The following RIMS2 variants were observed in gnomAD, a reference collection of about 807,000 sequenced individuals.
RIMS2 encodes the protein regulating synaptic membrane exocytosis 2, also known as regulating synaptic membrane exocytosis protein 2.
RIMS2 carries 59 observed loss-of-function variants against 174.4 expected under a neutral mutation model. That is an observed-to-expected ratio of 0.34 (90% CI 0.27 to 0.42). The LOEUF (loss-of-function observed/expected upper bound fraction) is 0.42. Among genes scored for constraint, RIMS2 ranks in the 10% least tolerant of loss-of-function variants. RIMS2 has a pLI of 1.00. For synonymous variants in RIMS2, 606 were observed against 572.5 expected, an observed-to-expected ratio of 1.06 and a Z score of -0.84; for missense variants, 1,620 against 1,666.3, an observed-to-expected ratio of 0.97 and a Z score of 0.48.
intron 16 of RIMS2, among the ~76,000 whole-genome samples, chr8:103,986,148 A>G (rs982334717): frequency 1.3e-5 from 2 of 152,224 alleles, no homozygotes; most frequent in South Asian, 2.1e-4. Context: ...AGCTTGATTT[A>G]GCCATGCTGC....
intron 19 of RIMS2, among the ~76,000 whole-genome samples, chr8:104,017,362 G>A (rs1029732315): frequency 1.2e-4 from 18 of 151,682 alleles, no homozygotes; most frequent in African/African-American, 4.1e-4. Flanking sequence ...CAAAATATGA[G>A]CAAGTCATAA....
chr8:104,153,562 T>C (rs758409556), intron 19 of RIMS2, among the ~76,000 whole-genome samples: 6 of 152,178 alleles, frequency 3.9e-5, no homozygotes, highest in Non-Finnish European at 7.4e-5. Context: ...CTAAGTACAG[T>C]TATTACATGA....
At chr8:104,160,481 C>T (rs545383829) in intron 19 of RIMS2, among the ~76,000 whole-genome samples, 1 of 152,228 alleles carries the variant, frequency 6.6e-6, no homozygotes, top group South Asian at 2.1e-4. Flanking sequence ...TATTTATCAT[C>T]TCATATTCTA....
intron 14 of RIMS2, among the ~76,000 whole-genome samples, chr8:103,950,671 T>C (rs570683865): frequency 1.3e-5 from 2 of 152,260 alleles, no homozygotes; most frequent in Admixed American, 1.3e-4. Context: ...ACCCTACAGC[T>C]AAATCATATT....
intron 2 of RIMS2, among the ~76,000 whole-genome samples, chr8:103,702,094 C>A (rs2097174117): frequency 6.6e-6 from 1 of 152,040 alleles, no homozygotes. Flanking sequence ...TCCTTGTTAA[C>A]ATTTGTTATT....
chr8:103,784,989 CT>C, intron 3 of RIMS2, among the ~76,000 whole-genome samples: 1 of 141,920 alleles, frequency 7.0e-6, no homozygotes, highest in Non-Finnish European at 1.5e-5. Context: ...CTTCACATCC[CT>C]TGTAAGTTGG....
intron 1 of RIMS2, among the ~76,000 whole-genome samples, chr8:103,520,826 A>C (rs80327507): frequency 6.6e-6 from 1 of 152,020 alleles, no homozygotes; most frequent in Non-Finnish European, 1.5e-5. Context: ...CCATCTTTCA[A>C]ATAGTTTCAT....
chr8:103,820,231 A>G (rs1240908400), intron 3 of RIMS2, among the ~76,000 whole-genome samples: 2 of 152,066 alleles, frequency 1.3e-5, no homozygotes, highest in Non-Finnish European at 2.9e-5. Flanking sequence ...AATTATGAAC[A>G]TATCTCTCAG....
At chr8:103,998,142 T>G in intron 17 of RIMS2, 1 of 1,411,498 alleles carries the variant, frequency 7.1e-7, no homozygotes, top group Non-Finnish European at 9.8e-7. Flanking sequence ...TTTCACTTCT[T>G]TCTTGAGTCT....
intron 19 of RIMS2, among the ~76,000 whole-genome samples, chr8:104,100,087 C>A (rs2097844712): frequency 1.3e-5 from 2 of 152,154 alleles, no homozygotes; most frequent in African/African-American, 4.8e-5. Flanking sequence ...TCCCAAAGGG[C>A]TGGGATTATG....
chr8:103,901,068 C>T (rs1292639164), intron 4 of RIMS2, among the ~76,000 whole-genome samples: 1 of 152,110 alleles, frequency 6.6e-6, no homozygotes, highest in Non-Finnish European at 1.5e-5. Flanking sequence ...TAATGGCATA[C>T]TCACTATGTA....
intron 19 of RIMS2, among the ~76,000 whole-genome samples, chr8:104,026,620 A>C (rs1056982315): frequency 2.3e-5 from 3 of 130,178 alleles, no homozygotes; most frequent in Non-Finnish European, 5.1e-5. Flanking sequence ...CTTATAAATA[A>C]GAAAGAAAGA....
chr8:104,249,790 A>G (rs1039082209), intron 22 of RIMS2, among the ~76,000 whole-genome samples: 1 of 152,228 alleles, frequency 6.6e-6, no homozygotes. Flanking sequence ...GGATAATGTA[A>G]GTTGTTAAAT....
At chr8:103,518,608 AGTT>A (rs1444745201) in intron 1 of RIMS2, among the ~76,000 whole-genome samples, 1 of 151,976 alleles carries the variant, frequency 6.6e-6, no homozygotes, top group Admixed American at 6.6e-5. Context: ...TTGCTGTATC[AGTT>A]GTTAAATATT....
chr8:103,755,402 GTGTCT>G (rs2097977276), intron 2 of RIMS2, among the ~76,000 whole-genome samples: 1 of 152,084 alleles, frequency 6.6e-6, no homozygotes, highest in South Asian at 2.1e-4. Flanking sequence ...TGACGATTAT[GTGTCT>G]TGGGGTTGCT....
chr8:103,925,748 A>G (rs576525283), intron 10 of RIMS2, among the ~76,000 whole-genome samples: 12 of 151,712 alleles, frequency 7.9e-5, no homozygotes, highest in Non-Finnish European at 7.4e-5. Flanking sequence ...ACTAATGGAC[A>G]GCGAGATGGA....
At chr8:103,956,331 C>T (rs182690882) in intron 14 of RIMS2, among the ~76,000 whole-genome samples, 13 of 152,256 alleles carry the variant, frequency 8.5e-5, no homozygotes, top group Admixed American at 4.6e-4. Flanking sequence ...GGAGGCACCA[C>T]GCTACCTGAC....
chr8:103,975,504 A>G (rs1322832879), exon 16 of RIMS2: 1 of 1,610,322 alleles, frequency 6.2e-7, no homozygotes, highest in Non-Finnish European at 8.5e-7. Context: ...CTCCTCCACA[A>G]AGGTAAGATA....
intron 3 of RIMS2, among the ~76,000 whole-genome samples, chr8:103,832,441 TATGTC>T (rs2098831549): frequency 6.6e-6 from 1 of 152,138 alleles, no homozygotes; most frequent in Non-Finnish European, 1.5e-5. Flanking sequence ...TAGGTAAACT[TATGTC>T]ATGGGGGTTT....
Sources: gnomAD v4.1 joint callset for allele counts (sites outside exome capture counted in the v4.1 genomes callset) on GRCh38, gnomAD v4.1.1 for gene constraint, MANE v1.5 for transcripts, NCBI Gene and HGNC (gene_info 2026-07-23, HGNC 2026-07-21) for gene names.